Variants in RFFL observed in about 807,000 individuals in gnomAD.
RFFL encodes the protein ring finger and FYVE like domain containing E3 ubiquitin protein ligase.
RFFL carries 16 observed loss-of-function variants against 40.4 expected under a neutral mutation model. The observed-to-expected ratio is 0.40, with a 90% CI of 0.27 to 0.60. The LOEUF is 0.60. Ranked by LOEUF, RFFL falls within the 20% of genes least tolerant of loss-of-function variation. RFFL has a pLI of 0.47. For synonymous variants in RFFL, 154 were observed against 167.9 expected (o/e 0.92, Z 0.64); for missense variants, 367 against 451.7 (o/e 0.81, Z 1.70).
intron 1 of RFFL, among the ~76,000 whole-genome samples, chr17:35,033,335 C>A (rs550676308): frequency 6.6e-6 from 1 of 151,800 alleles, no homozygotes; most frequent in South Asian, 2.1e-4. Context: ...TCGAGACCAG[C>A]CTGGCCAGCA....
At chr17:35,077,783 G>C (rs985440156) in intron 1 of RFFL, among the ~76,000 whole-genome samples, 3 of 152,348 alleles carry the variant, frequency 2.0e-5, no homozygotes, top group Admixed American at 6.5e-5. Context: ...ATTAGTGTTA[G>C]TGTATTTTAT....
rs1299130197 is a variant in RFFL at position 35,006,817 on chromosome 17, C to CG, written c.*5150_*5151insC. The CG allele has an allele frequency of 6.6e-6, 1 of 152,446 alleles. No individual in the cohort carries two copies. Among genetic ancestry groups the CG allele is most frequent in the Non-Finnish European group, 1.5e-5 (1 of 68,390 alleles). The allele number at this position is 152,446 out of a possible 1,614,324, so 9.4% of individuals were successfully genotyped here. A position where few individuals can be genotyped will look rare whatever the true frequency, so the allele number is the denominator to read the frequency against. ...TGCGCCCCCTGGCCACCCCACCGCC[C>CG]CCCCCCAACTTTGATCTGATTGACT... On this transcript the variant is annotated 3_prime_UTR_variant, in exon 7 of 7. Transcript: ENST00000394597.
rs374002161 is a variant in RFFL, at chr17:35,086,169, G to A, written c.-9+2936C>T. 2.1e-4 allele frequency among the ~76,000 whole-genome samples: 32 copies of A among 152,198 alleles called. 1 individual carries two copies. The East Asian group carries it at 3.9e-3, about 18-fold the overall frequency. On this transcript the variant is annotated intron_variant, in intron 1 of 6. Transcript: ENST00000315249. ...TCAGATATTTCCTTACGAAAGACCCGGGAGTCTGTTTCTATATGAAAAGCT... is the reference window on the plus strand; with the variant it reads ...TCAGATATTTCCTTACGAAAGACCCAGGAGTCTGTTTCTATATGAAAAGCT...
chr17:35,028,953 G>A (rs937805288), intron 1 of RFFL, among the ~76,000 whole-genome samples: 9 of 151,954 alleles, frequency 5.9e-5, no homozygotes, highest in Non-Finnish European at 1.3e-4. Context: ...TAACCCCCAC[G>A]ACAACAGGGA....
At chr17:35,068,077 T>C (rs574670508), upstream of RFFL, among the ~76,000 whole-genome samples, 8 of 152,356 alleles carry the variant, frequency 5.3e-5, 1 homozygote, top group South Asian at 1.7e-3. Flanking sequence ...CTGGATATGA[T>C]ACAAGGGGCT....
intron 1 of RFFL, among the ~76,000 whole-genome samples, chr17:35,030,972 A>G (rs775692049): frequency 1.1e-4 from 17 of 152,074 alleles, no homozygotes; most frequent in Non-Finnish European, 2.2e-4. Flanking sequence ...TATCCACATT[A>G]TAACAATGCT....
At chr17:35,040,841 CTTT>C (rs869061281) in intron 1 of RFFL, among the ~76,000 whole-genome samples, 104 of 62,414 alleles carry the variant, frequency 1.7e-3, no homozygotes, top group South Asian at 9.9e-3. Context: ...GCTTTAATGT[CTTT>C]TTTTTTTTTT....
chr17:35,044,945 C>A (rs886883807), intron 1 of RFFL, among the ~76,000 whole-genome samples: 1 of 151,422 alleles, frequency 6.6e-6, no homozygotes, highest in Non-Finnish European at 1.5e-5. Flanking sequence ...GATCACAGCT[C>A]ACTGCAGCCT....
intron 1 of RFFL, among the ~76,000 whole-genome samples, chr17:35,055,406 G>T (rs1400961806): frequency 6.6e-6 from 1 of 151,928 alleles, no homozygotes; most frequent in African/African-American, 2.4e-5. Flanking sequence ...CAGGTGCGAT[G>T]GCTCACCTGT....
chr17:35,046,571 G>A (rs2142351893), intron 1 of RFFL, among the ~76,000 whole-genome samples: 1 of 152,220 alleles, frequency 6.6e-6, no homozygotes, highest in East Asian at 1.9e-4. Flanking sequence ...TATGAATAAG[G>A]GGGAAAGGAG....
intron 1 of RFFL, among the ~76,000 whole-genome samples, chr17:35,086,454 T>C (rs928273472): frequency 6.7e-6 from 1 of 149,398 alleles, no homozygotes; most frequent in South Asian, 2.1e-4. Flanking sequence ...TCCAGCATGG[T>C]TGACAAGAGT....
chr17:35,035,507 G>A (rs576893749), intron 1 of RFFL, among the ~76,000 whole-genome samples: 1 of 151,776 alleles, frequency 6.6e-6, no homozygotes, highest in African/African-American at 2.4e-5. Context: ...TGGGGAAGGG[G>A]GTTATTACAG....
chr17:35,083,508 C>T (rs1001614173), intron 1 of RFFL, among the ~76,000 whole-genome samples: 2 of 152,120 alleles, frequency 1.3e-5, no homozygotes, highest in African/African-American at 4.8e-5. Context: ...GGGTCAGGCA[C>T]GGTGGCTCAC....
upstream of RFFL, among the ~76,000 whole-genome samples, chr17:35,066,892 G>T (rs566479148): frequency 4.7e-5 from 7 of 148,762 alleles, no homozygotes; most frequent in Non-Finnish European, 7.4e-5. Context: ...TTTAACTATA[G>T]AACATAGTAT....
chr17:35,014,312 C>T (rs962424676), intron 6 of RFFL, among the ~76,000 whole-genome samples: 1 of 152,124 alleles, frequency 6.6e-6, no homozygotes, highest in Non-Finnish European at 1.5e-5. Flanking sequence ...CAGGTCACCA[C>T]CCTTTCTTTT....
At chr17:35,064,371 T>C (rs1459932100), upstream of RFFL, among the ~76,000 whole-genome samples, 1 of 152,104 alleles carries the variant, frequency 6.6e-6, no homozygotes, top group Admixed American at 6.5e-5. Flanking sequence ...GCATAGGGAA[T>C]ACAGAAGACT....
chr17:35,053,309 A>G (rs1456935093), intron 1 of RFFL, among the ~76,000 whole-genome samples: 1 of 152,238 alleles, frequency 6.6e-6, no homozygotes, highest in Non-Finnish European at 1.5e-5. Flanking sequence ...TTGGATGACT[A>G]TATTAATACA....
intron 1 of RFFL, among the ~76,000 whole-genome samples, chr17:35,062,107 TA>T (rs1334780617): frequency 1.1e-4 from 16 of 151,164 alleles, no homozygotes; most frequent in Non-Finnish European, 1.9e-4. Flanking sequence ...GATGTGAGCA[TA>T]AAAAGAATGA....
intron 6 of RFFL, among the ~76,000 whole-genome samples, chr17:35,014,143 A>G (rs1331109815): frequency 1.3e-5 from 2 of 152,132 alleles, no homozygotes; most frequent in Non-Finnish European, 2.9e-5. Context: ...GATGGTCAGG[A>G]GTTCTGCAGT....
Sources: gnomAD v4.1 joint callset for allele counts (sites outside exome capture counted in the v4.1 genomes callset) on GRCh38, gnomAD v4.1.1 for gene constraint, MANE v1.5 for transcripts, NCBI Gene and HGNC (gene_info 2026-07-23, HGNC 2026-07-21) for gene names.